ARHGAP18: variants seen among roughly 807,000 people sequenced by gnomAD.
ARHGAP18 encodes the protein rho GTPase-activating protein 18.
ARHGAP18 carries 67 observed loss-of-function variants against 86.2 expected under a neutral mutation model. That is an observed-to-expected ratio of 0.78 (90% CI 0.64 to 0.95). The LOEUF (loss-of-function observed/expected upper bound fraction) is 0.95. ARHGAP18 is among the 40% of genes least tolerant of loss of function. The probability of loss-of-function intolerance (pLI) is 0.00; values close to 1 mark genes in which losing one functional copy is unlikely to be tolerated. For synonymous variants in ARHGAP18, 283 were observed against 280.4 expected (o/e 1.01, Z -0.09); for missense variants, 691 against 780.4 (o/e 0.89, Z 1.37).
chr6:129,700,307 A>G (rs1774690146), intron 1 of ARHGAP18, among the ~76,000 whole-genome samples: 1 of 151,912 alleles, frequency 6.6e-6, no homozygotes. Flanking sequence ...TCCTTGCTCT[A>G]CACTAGATGA....
chr6:129,649,811 T>G (rs1773665960), intron 1 of ARHGAP18, among the ~76,000 whole-genome samples: 1 of 152,094 alleles, frequency 6.6e-6, no homozygotes, highest in African/African-American at 2.4e-5. Context: ...CTTGGCTTTA[T>G]CACTTCTAGA....
intron 8 of ARHGAP18, 93 bp from the exon 9 acceptor site, chr6:129,608,145 A>G: frequency 1.4e-6 from 2 of 1,392,994 alleles, no homozygotes; most frequent in Non-Finnish European, 1.9e-6. Context: ...TTCACTTTCA[A>G]GAGACTCTGC....
chr6:129,667,158 G>A (rs1774055258), intron 1 of ARHGAP18, among the ~76,000 whole-genome samples: 1 of 151,886 alleles, frequency 6.6e-6, no homozygotes, highest in East Asian at 1.9e-4. Flanking sequence ...TGGGAAGTAG[G>A]GGAACCTACA....
intron 5 of ARHGAP18, among the ~76,000 whole-genome samples, chr6:129,621,118 A>T (rs1164276932): frequency 6.6e-6 from 1 of 152,126 alleles, no homozygotes; most frequent in East Asian, 1.9e-4. Context: ...TCAATTTCTC[A>T]ATTTTATTTT....
intron 1 of ARHGAP18, among the ~76,000 whole-genome samples, chr6:129,706,643 T>G (rs1774806034): frequency 6.6e-6 from 1 of 151,868 alleles, no homozygotes; most frequent in South Asian, 2.1e-4. Context: ...TCTCGGCACT[T>G]TGGGAGGATG....
intron 12 of ARHGAP18, chr6:129,598,975 G>T (rs979871798): frequency 1.0e-5 from 3 of 299,554 alleles, no homozygotes; most frequent in African/African-American, 2.2e-5. Flanking sequence ...GTCTTGTCTT[G>T]ATATCTTCCT....
chr6:129,693,387 C>T (rs1270571696), intron 1 of ARHGAP18, among the ~76,000 whole-genome samples: 1 of 152,204 alleles, frequency 6.6e-6, no homozygotes, highest in Non-Finnish European at 1.5e-5. Flanking sequence ...CTGTGTCATG[C>T]TGGTTCCGGA....
At chr6:129,607,117 C>G (rs916678989) in intron 9 of ARHGAP18, among the ~76,000 whole-genome samples, 1 of 152,098 alleles carries the variant, frequency 6.6e-6, no homozygotes, top group Non-Finnish European at 1.5e-5. Context: ...GCCTCAGCCT[C>G]CCAAAGTGCT....
chr6:129,678,841 G>A (rs1266746347), intron 1 of ARHGAP18, among the ~76,000 whole-genome samples: 1 of 151,954 alleles, frequency 6.6e-6, no homozygotes, highest in Non-Finnish European at 1.5e-5. Context: ...AAAAAGTTGA[G>A]GAAACAATAT....
rs926858801 is a variant in ARHGAP18, at chr6:129,626,876, A to G, written c.786+2477T>C. On this transcript the variant is annotated intron_variant, in intron 5 of 14. Coordinates refer to ENST00000368149, the MANE Select transcript of ARHGAP18 (RefSeq NM_033515.3). ...TTTCCTGAGAACTACAATTCACAGC[A>G]TGGAAGACAGAAGATGCTCATGTAC... 5.3e-5 allele frequency among the ~76,000 whole-genome samples: 8 copies of G among 152,262 alleles called. No homozygotes were observed. The East Asian group carries it at 1.5e-3, about 29-fold the overall frequency.
intron 5 of ARHGAP18, among the ~76,000 whole-genome samples, chr6:129,624,802 G>C (rs1168847436): frequency 6.7e-6 from 1 of 149,894 alleles, no homozygotes; most frequent in African/African-American, 2.5e-5. Flanking sequence ...AAAATCAGCC[G>C]GGCGTGGTGG....
chr6:129,579,786 G>C (rs1208476450), intron 14 of ARHGAP18, among the ~76,000 whole-genome samples: 1 of 152,100 alleles, frequency 6.6e-6, no homozygotes, highest in Non-Finnish European at 1.5e-5. Flanking sequence ...ACAAAGAAGA[G>C]AGTTTTGAAA....
chr6:129,578,479 A>C lies in ARHGAP18; in HGVS notation c.*34T>G. 1 of 1,533,048 alleles carries C rather than the reference A, an allele frequency of 6.5e-7. No individual in the cohort carries two copies. Among genetic ancestry groups the C allele is most frequent in the East Asian group, 2.3e-5 (1 of 43,986 alleles). 95.0% of individuals were successfully genotyped at this position (1,533,048 alleles called of 1,614,324 possible). ...TTGACTCAGCAAGAATTATGACAGA[A>C]GTCCACATGGTTATCTGCAGCTTGT... On this transcript the variant is annotated 3_prime_UTR_variant, in exon 15 of 15. Transcript: ENST00000368149.
intron 9 of ARHGAP18, among the ~76,000 whole-genome samples, chr6:129,607,314 A>T (rs1431597935): frequency 1.3e-5 from 2 of 152,214 alleles, no homozygotes; most frequent in East Asian, 3.8e-4. Flanking sequence ...TGGAAAAAGA[A>T]TCGAGAACTA....
chr6:129,599,791 C>A (rs543826383), intron 11 of ARHGAP18, among the ~76,000 whole-genome samples: 1 of 152,152 alleles, frequency 6.6e-6, no homozygotes, highest in African/African-American at 2.4e-5. Flanking sequence ...GAAAGAACTC[C>A]CCAAGAAACA....
At chr6:129,584,584 C>T (rs1028654609) in intron 12 of ARHGAP18, among the ~76,000 whole-genome samples, 58 of 152,268 alleles carry the variant, frequency 3.8e-4, no homozygotes, top group African/African-American at 1.4e-3. Flanking sequence ...TTTTTATTGT[C>T]TGTTCCCCAT....
chr6:129,606,351 C>T (rs942593356), intron 9 of ARHGAP18, among the ~76,000 whole-genome samples: 7 of 152,062 alleles, frequency 4.6e-5, no homozygotes, highest in African/African-American at 1.4e-4. Context: ...CTTTTAATGG[C>T]GAGTGAACAA....
chr6:129,668,140 G>A (rs189072981), intron 1 of ARHGAP18, among the ~76,000 whole-genome samples: 98 of 152,264 alleles, frequency 6.4e-4, no homozygotes, highest in African/African-American at 2.0e-3. Flanking sequence ...CGTGTAACAA[G>A]CTTATCTGGT....
At chr6:129,606,865 C>CT (rs34265406) in intron 9 of ARHGAP18, among the ~76,000 whole-genome samples, 27,204 of 144,372 alleles carry the variant, frequency 0.19, 2,657 homozygotes, top group Admixed American at 0.25. Flanking sequence ...GCAATTTATT[C>CT]TTTTTTTTTT....
Sources: allele counts gnomAD v4.1 joint callset (sites outside exome capture counted in the v4.1 genomes callset), GRCh38; gene constraint gnomAD v4.1.1; transcripts MANE v1.5; gene names NCBI Gene and HGNC (gene_info 2026-07-23, HGNC 2026-07-21).